The following CTNNA2 variants were observed in gnomAD, a reference collection of about 807,000 sequenced individuals.
CTNNA2 encodes the protein catenin alpha-2.
CTNNA2 carries 42 observed loss-of-function variants against 101.0 expected under a neutral mutation model. The ratio of observed to expected loss-of-function variants is 0.42; its 90% CI spans 0.32 to 0.54. The LOEUF is 0.54. CTNNA2 is among the 20% of genes least tolerant of loss of function. CTNNA2 has a pLI of 0.14. For missense variants in CTNNA2, 871 were observed against 1,223.1 expected (o/e 0.71, Z 4.29); for synonymous variants, 450 against 456.4 (o/e 0.99, Z 0.18).
intron 2 of CTNNA2, 132 bp downstream of exon 2, chr2:79,651,790 A>G: frequency 1.4e-6 from 1 of 723,462 alleles, no homozygotes; most frequent in Admixed American, 2.6e-5. Flanking sequence ...AATATATATT[A>G]CTGCCTGAAC....
intron 2 of CTNNA2, among the ~76,000 whole-genome samples, chr2:79,712,436 G>C (rs1224826662): frequency 6.6e-6 from 1 of 152,158 alleles, no homozygotes; most frequent in Non-Finnish European, 1.5e-5. Context: ...TTATTATTAA[G>C]ACTATCAGAG....
chr2:80,644,546 G>A (rs1464725233), intron 18 of CTNNA2, among the ~76,000 whole-genome samples: 3 of 152,174 alleles, frequency 2.0e-5, no homozygotes, highest in Non-Finnish European at 4.4e-5. Flanking sequence ...CACCATCTTG[G>A]AAAGGCATAA....
At chr2:79,474,909 A>G (rs1671035438) in intron 4 of CTNNA2, among the ~76,000 whole-genome samples, 1 of 152,114 alleles carries the variant, frequency 6.6e-6, no homozygotes, top group African/African-American at 2.4e-5. Context: ...GCTCCAGGGT[A>G]TAGGCTCTTT....
intron 9 of CTNNA2, among the ~76,000 whole-genome samples, chr2:80,471,256 T>C (rs1250275132): frequency 6.6e-6 from 1 of 152,168 alleles, no homozygotes. Flanking sequence ...CGATGGTGAT[T>C]GTTCTTATCC....
At chr2:80,283,605 C>A (rs1267668642) in intron 7 of CTNNA2, among the ~76,000 whole-genome samples, 1 of 152,024 alleles carries the variant, frequency 6.6e-6, no homozygotes, top group East Asian at 1.9e-4. Flanking sequence ...TAGGGACTTA[C>A]CCATTTTTCT....
At chr2:80,054,009 A>G (rs1462756593) in intron 7 of CTNNA2, among the ~76,000 whole-genome samples, 4 of 152,238 alleles carry the variant, frequency 2.6e-5, no homozygotes, top group Non-Finnish European at 5.9e-5. Context: ...GGATAAGTTT[A>G]GTTAAGTGAA....
intron 7 of CTNNA2, among the ~76,000 whole-genome samples, chr2:80,275,687 C>G (rs1446956251): frequency 6.6e-6 from 1 of 151,942 alleles, no homozygotes; most frequent in African/African-American, 2.4e-5. Context: ...TTCTGTCACT[C>G]TTAAGAATTT....
rs1331719245 is a variant in CTNNA2, at chr2:80,085,667, G to C, written c.1056+175870G>C. On this transcript the variant is annotated intron_variant, in intron 7 of 18. Coordinates refer to ENST00000402739, the MANE Select transcript of CTNNA2 (RefSeq NM_001282597.3). Reference sequence around the variant, plus strand: ...CATTATTTCATCCTATTTTCTGCATGTTGTCTGTCTCTGGATCTTTTTTTC... The same window carrying C: ...CATTATTTCATCCTATTTTCTGCATCTTGTCTGTCTCTGGATCTTTTTTTC... 2.0e-5 allele frequency among the ~76,000 whole-genome samples: 3 copies of C among 152,098 alleles called. No homozygotes were observed. The Middle Eastern group carries it at 0.01, about 517-fold the overall frequency.
intron 1 of CTNNA2, among the ~76,000 whole-genome samples, chr2:79,630,069 A>C (rs1014637841): frequency 6.6e-6 from 1 of 152,170 alleles, no homozygotes; most frequent in Non-Finnish European, 1.5e-5. Flanking sequence ...GAGCATGCTG[A>C]AAGTATTCAG....
At chr2:80,102,928 G>A (rs1432966743) in intron 7 of CTNNA2, among the ~76,000 whole-genome samples, 1 of 152,188 alleles carries the variant, frequency 6.6e-6, no homozygotes, top group Non-Finnish European at 1.5e-5. Flanking sequence ...GTGGGGGGCA[G>A]ACCTAGAGCA....
intron 9 of CTNNA2, among the ~76,000 whole-genome samples, chr2:80,456,618 T>G (rs761351823): frequency 8.2e-4 from 125 of 152,352 alleles, no homozygotes; most frequent in Non-Finnish European, 2.9e-4. Context: ...GTTTAAGGGC[T>G]CAAGGCTTCG....
intron 7 of CTNNA2, among the ~76,000 whole-genome samples, chr2:80,390,773 C>G (rs913390428): frequency 1.2e-4 from 19 of 152,226 alleles, no homozygotes; most frequent in South Asian, 8.3e-4. Flanking sequence ...TGGATCCTGT[C>G]TTTATTTAAA....
intron 7 of CTNNA2, among the ~76,000 whole-genome samples, chr2:80,125,893 C>T (rs1037113928): frequency 1.3e-5 from 2 of 152,126 alleles, no homozygotes; most frequent in Non-Finnish European, 2.9e-5. Flanking sequence ...CCCAGGGAGG[C>T]AAAGGCTATT....
chr2:80,215,415 G>T (rs1238981245), intron 7 of CTNNA2, among the ~76,000 whole-genome samples: 1 of 152,104 alleles, frequency 6.6e-6, no homozygotes, highest in African/African-American at 2.4e-5. Flanking sequence ...GGTCTTTGAT[G>T]ATGGCGATGT....
chr2:79,343,961 C>G (rs1023086211), intron 3 of CTNNA2, among the ~76,000 whole-genome samples: 1 of 152,124 alleles, frequency 6.6e-6, no homozygotes, highest in Non-Finnish European at 1.5e-5. Flanking sequence ...TCATGTGGTA[C>G]GGATCTAAGA....
Position 80,058,973 on chromosome 2 carries a change from C to T in CTNNA2, c.1056+149176C>T, listed in dbSNP as rs181766267. On this transcript the variant is annotated intron_variant, in intron 7 of 18. Transcript: ENST00000402739. ...ATTTTTAGTTATCCACTAAGCAGCT[C>T]CCTAATTGACATAATACCAGTCTTC... Among the ~76,000 whole-genome samples, 269 of 152,308 alleles carry T rather than the reference C, an allele frequency of 1.8e-3. 3 individuals carry two copies. Among genetic ancestry groups the T allele is most frequent in the African/African-American group, 6.0e-3 (249 of 41,568 alleles).
chr2:79,784,318 TC>T (rs1310892827), intron 3 of CTNNA2, among the ~76,000 whole-genome samples: 1 of 151,898 alleles, frequency 6.6e-6, no homozygotes, highest in Non-Finnish European at 1.5e-5. Flanking sequence ...AGGCCGTAGT[TC>T]CCCTGGGCAC....
At chr2:80,192,169 C>T (rs1207389940) in intron 7 of CTNNA2, among the ~76,000 whole-genome samples, 1 of 152,216 alleles carries the variant, frequency 6.6e-6, no homozygotes, top group Non-Finnish European at 1.5e-5. Flanking sequence ...ATCTAACCAT[C>T]TCATTTTCAC....
chr2:79,908,846 A>G (rs115114618), intron 6 of CTNNA2, among the ~76,000 whole-genome samples: 261 of 152,296 alleles, frequency 1.7e-3, no homozygotes, highest in African/African-American at 5.8e-3. Flanking sequence ...GCATATTTCC[A>G]TCTACCTCGG....
Sources: gnomAD v4.1 joint callset for allele counts (sites outside exome capture counted in the v4.1 genomes callset) on GRCh38, gnomAD v4.1.1 for gene constraint, MANE v1.5 for transcripts, NCBI Gene and HGNC (gene_info 2026-07-23, HGNC 2026-07-21) for gene names.